Variants in NRXN1 observed in about 807,000 individuals in gnomAD.
NRXN1 encodes neurexin-1.
A neutral mutation model predicts 150.9 loss-of-function variants in NRXN1; 39 were observed. The observed-to-expected ratio is 0.26, with a 90% CI of 0.20 to 0.34. The LOEUF (loss-of-function observed/expected upper bound fraction) is 0.34. Ranked by LOEUF, NRXN1 falls within the 10% of genes least tolerant of loss-of-function variation. The pLI is 1.00. For synonymous variants in NRXN1, 924 were observed against 757.0 expected (o/e 1.22, Z -3.62); for missense variants, 1,815 against 1,949.9 (o/e 0.93, Z 1.30).
intron 18 of NRXN1, among the ~76,000 whole-genome samples, chr2:50,165,473 C>A (rs1001598511): frequency 2.6e-5 from 4 of 152,160 alleles, no homozygotes; most frequent in South Asian, 2.1e-4. Flanking sequence ...CTCAGCCTCC[C>A]GACTAGGTGG....
intron 19 of NRXN1, among the ~76,000 whole-genome samples, chr2:50,081,625 T>C (rs1000819006): frequency 3.3e-5 from 5 of 152,160 alleles, no homozygotes; most frequent in Admixed American, 6.5e-5. Flanking sequence ...CAAATATAAA[T>C]AGCATGAAAA....
At chr2:50,740,275 T>C (rs539711981) in intron 5 of NRXN1, among the ~76,000 whole-genome samples, 1 of 152,258 alleles carries the variant, frequency 6.6e-6, no homozygotes, top group East Asian at 1.9e-4. Context: ...AAAGGGCCAA[T>C]GACACTGGAG....
chr2:50,833,947 T>A (rs915093520), intron 5 of NRXN1, among the ~76,000 whole-genome samples: 1 of 152,166 alleles, frequency 6.6e-6, no homozygotes, highest in Non-Finnish European at 1.5e-5. Context: ...TACTAGATAC[T>A]CCAGTATGCC....
At chr2:49,937,005 A>T (rs1671156381) in intron 22 of NRXN1, among the ~76,000 whole-genome samples, 1 of 152,168 alleles carries the variant, frequency 6.6e-6, no homozygotes, top group Non-Finnish European at 1.5e-5. Context: ...TTCTTAGGGC[A>T]TTTGTAATTT....
chr2:50,415,307 T>C (rs1369582184), intron 17 of NRXN1, among the ~76,000 whole-genome samples: 1 of 152,174 alleles, frequency 6.6e-6, no homozygotes, highest in Non-Finnish European at 1.5e-5. Context: ...ACTCATTTTC[T>C]ATTAACTTTA....
At chr2:50,551,034 A>G (rs1667399827) in intron 9 of NRXN1, among the ~76,000 whole-genome samples, 2 of 104,192 alleles carry the variant, frequency 1.9e-5, no homozygotes, top group South Asian at 7.3e-4. Context: ...GAGGAAGAGG[A>G]AGAGGAAGAG....
chr2:50,190,613 CTTT>C (rs11427672), intron 18 of NRXN1, among the ~76,000 whole-genome samples: 4 of 132,508 alleles, frequency 3.0e-5, no homozygotes, highest in Non-Finnish European at 3.1e-5. Flanking sequence ...CTTTTTTTTT[CTTT>C]TTTTTTTTTT....
intron 17 of NRXN1, among the ~76,000 whole-genome samples, chr2:50,458,133 T>A (rs530776241): frequency 6.6e-6 from 1 of 152,204 alleles, no homozygotes; most frequent in South Asian, 2.1e-4. Flanking sequence ...TATATTCCAA[T>A]ACGAGTTGAA....
intron 19 of NRXN1, among the ~76,000 whole-genome samples, chr2:50,070,757 G>C (rs1360395652): frequency 1.7e-5 from 2 of 118,182 alleles, no homozygotes; most frequent in Non-Finnish European, 3.2e-5. Flanking sequence ...GCGACAGAGC[G>C]AGACTCCGTC....
chr2:50,087,800 C>A (rs1312823155), intron 19 of NRXN1, among the ~76,000 whole-genome samples: 1 of 152,120 alleles, frequency 6.6e-6, no homozygotes, highest in Middle Eastern at 3.2e-3. Context: ...TAATTAGTTT[C>A]TCTATGAAAG....
intron 5 of NRXN1, among the ~76,000 whole-genome samples, chr2:50,657,522 C>A (rs909466063): frequency 4.0e-5 from 6 of 151,884 alleles, no homozygotes; most frequent in Non-Finnish European, 7.4e-5. Flanking sequence ...TACCCAGGGC[C>A]CAGAATGATG....
intron 21 of NRXN1, chr2:49,973,077 A>C (rs1678236098): frequency 6.6e-6 from 1 of 152,206 alleles, no homozygotes; most frequent in Non-Finnish European, 1.5e-5. Flanking sequence ...GGAGGGTATC[A>C]AACAATTCCC....
In NRXN1 at chr2:50,507,870, G is replaced by A. The variant is rs546585713; in HGVS notation, c.2375-1253C>T. 7.2e-5 allele frequency among the ~76,000 whole-genome samples: 11 copies of A among 151,734 alleles called. 1 individual carries two copies. The South Asian group carries it at 1.4e-3, about 20-fold the overall frequency. On this transcript the variant is annotated intron_variant, in intron 12 of 22. Transcript: ENST00000401669. ...ATCATTGAGTTTCATGTCTTTCAACGAATTGAGAATCAGGATTGGAGTTCA... is the reference window on the plus strand; with the variant it reads ...ATCATTGAGTTTCATGTCTTTCAACAAATTGAGAATCAGGATTGGAGTTCA...
intron 21 of NRXN1, among the ~76,000 whole-genome samples, chr2:49,981,594 C>T (rs1365383806): frequency 6.6e-6 from 1 of 151,962 alleles, no homozygotes; most frequent in Non-Finnish European, 1.5e-5. Context: ...TTTTATGCAA[C>T]AAGAATGACT....
intron 15 of NRXN1, among the ~76,000 whole-genome samples, chr2:50,480,183 C>T (rs2090354628): frequency 1.3e-5 from 2 of 152,166 alleles, no homozygotes; most frequent in Non-Finnish European, 2.9e-5. Flanking sequence ...TAGAGTAATA[C>T]ATGACCAGTT....
intron 17 of NRXN1, among the ~76,000 whole-genome samples, chr2:50,305,560 A>T (rs937383732): frequency 6.6e-6 from 1 of 152,226 alleles, no homozygotes; most frequent in Non-Finnish European, 1.5e-5. Context: ...AAATACTTTA[A>T]ATCTTAACTT....
intron 5 of NRXN1, among the ~76,000 whole-genome samples, chr2:50,698,370 G>A (rs1361729783): frequency 6.6e-6 from 1 of 152,216 alleles, no homozygotes; most frequent in Non-Finnish European, 1.5e-5. Context: ...GCCTGCAGAA[G>A]TAGTTGTGAG....
intron 18 of NRXN1, among the ~76,000 whole-genome samples, chr2:50,099,345 T>A (rs527726077): frequency 7.1e-6 from 1 of 140,628 alleles, no homozygotes; most frequent in Non-Finnish European, 1.5e-5. Flanking sequence ...AAATTTCCAA[T>A]ATTCTTTCAC....
chr2:50,852,439 T>A (rs1674654533), intron 5 of NRXN1, among the ~76,000 whole-genome samples: 1 of 152,188 alleles, frequency 6.6e-6, no homozygotes, highest in Non-Finnish European at 1.5e-5. Flanking sequence ...AAATAGTTTT[T>A]TAAAGTTTAA....
Sources: allele counts gnomAD v4.1 joint callset (sites outside exome capture counted in the v4.1 genomes callset), GRCh38; gene constraint gnomAD v4.1.1; transcripts MANE v1.5; gene names NCBI Gene and HGNC (gene_info 2026-07-23, HGNC 2026-07-21).